Variants in DPP6 observed in about 807,000 individuals in gnomAD.
The protein encoded by DPP6 is dipeptidyl peptidase like 6.
In DPP6, 69 loss-of-function variants were observed where a neutral mutation model predicts 122.6. That is an observed-to-expected ratio of 0.56 (90% CI 0.46 to 0.69). The LOEUF (loss-of-function observed/expected upper bound fraction) is 0.69, where lower values mean the gene tolerates loss of function less well. DPP6 is among the 30% of genes least tolerant of loss of function. The pLI, the probability that DPP6 is intolerant of heterozygous loss-of-function variation, is 0.00. For missense variants in DPP6, 928 were observed against 1,116.9 expected, an observed-to-expected ratio of 0.83 and a Z score of 2.41; for synonymous variants, 418 against 433.1, an observed-to-expected ratio of 0.97 and a Z score of 0.43.
chr7:153,856,941 A>G, the DPP6 span, among the ~76,000 whole-genome samples: 1 of 152,174 alleles, frequency 6.6e-6, no homozygotes, highest in Admixed American at 6.5e-5. Flanking sequence ...TGGAGTTGAA[A>G]TGTTTTTCAC....
At chr7:154,399,136 T>C (rs1173088692) in intron 1 of DPP6, among the ~76,000 whole-genome samples, 5 of 152,176 alleles carry the variant, frequency 3.3e-5, no homozygotes, top group Non-Finnish European at 7.3e-5. Flanking sequence ...TGACAATGAA[T>C]CTTTAGATTC....
At chr7:154,410,570 C>A (rs1422961226) in intron 1 of DPP6, among the ~76,000 whole-genome samples, 1 of 152,156 alleles carries the variant, frequency 6.6e-6, no homozygotes, top group African/African-American at 2.4e-5. Flanking sequence ...TTCTACATTT[C>A]TCTAACATGC....
intron 1 of DPP6, among the ~76,000 whole-genome samples, chr7:154,331,984 T>TG (rs1808985172): frequency 6.6e-6 from 1 of 152,146 alleles, no homozygotes; most frequent in Non-Finnish European, 1.5e-5. Context: ...ATTTGGGTGA[T>TG]GGGGTCTGTG....
chr7:153,748,386 C>A, the DPP6 span, among the ~76,000 whole-genome samples: 1 of 141,098 alleles, frequency 7.1e-6, no homozygotes, highest in South Asian at 2.5e-4. Context: ...GGAGTCCGCA[C>A]TGATGACCGC....
intron 5 of DPP6, among the ~76,000 whole-genome samples, chr7:154,627,390 G>A (rs1050149133): frequency 1.3e-5 from 2 of 150,940 alleles, no homozygotes; most frequent in African/African-American, 4.9e-5. Flanking sequence ...AGTAGAGACG[G>A]GGTTTCACCA....
intron 1 of DPP6, among the ~76,000 whole-genome samples, chr7:154,096,227 C>G (rs1275406856): frequency 1.4e-5 from 1 of 72,942 alleles, no homozygotes; most frequent in Non-Finnish European, 2.6e-5. Flanking sequence ...CCTCACTGTG[C>G]CTTTTTATGC....
At chr7:154,397,565 T>A (rs1815198426) in intron 1 of DPP6, among the ~76,000 whole-genome samples, 1 of 152,208 alleles carries the variant, frequency 6.6e-6, no homozygotes, top group Non-Finnish European at 1.5e-5. Context: ...TAGAATAAAT[T>A]ATCAGTGAAT....
At chr7:153,830,689 T>C in the DPP6 span, among the ~76,000 whole-genome samples, 1 of 152,204 alleles carries the variant, frequency 6.6e-6, no homozygotes, top group East Asian at 1.9e-4. Context: ...GGGAGTGTGC[T>C]GTGTTACACA....
the DPP6 span, among the ~76,000 whole-genome samples, chr7:153,789,298 T>G: frequency 2.0e-5 from 3 of 152,236 alleles, no homozygotes; most frequent in African/African-American, 7.2e-5. Flanking sequence ...TAATGTCCCC[T>G]TTATTATCCT....
At chr7:154,074,356 A>G (rs1478610083) in intron 1 of DPP6, among the ~76,000 whole-genome samples, 2 of 152,104 alleles carry the variant, frequency 1.3e-5, no homozygotes, top group African/African-American at 4.8e-5. Context: ...TAAAACACCA[A>G]GACTAACCAA....
At chr7:154,458,736 G>C (rs1435005005) in intron 2 of DPP6, among the ~76,000 whole-genome samples, 1 of 152,220 alleles carries the variant, frequency 6.6e-6, no homozygotes, top group Non-Finnish European at 1.5e-5. Context: ...CTTGTGGAGA[G>C]ATCAGAACTA....
the DPP6 span, among the ~76,000 whole-genome samples, chr7:153,867,176 A>G: frequency 3.3e-5 from 5 of 152,272 alleles, no homozygotes; most frequent in African/African-American, 9.6e-5. Context: ...GCTTTTTCCA[A>G]TTCTGTGAAG....
intron 1 of DPP6, among the ~76,000 whole-genome samples, chr7:154,132,585 C>T (rs1460262822): frequency 3.3e-5 from 5 of 152,176 alleles, no homozygotes; most frequent in Non-Finnish European, 4.4e-5. Context: ...GTCCTCATTT[C>T]GGTTCAGTAG....
At chr7:154,494,567 T>G (rs554509495) in intron 3 of DPP6, among the ~76,000 whole-genome samples, 1 of 152,148 alleles carries the variant, frequency 6.6e-6, no homozygotes, top group Admixed American at 6.5e-5. Flanking sequence ...TCTTTCTATA[T>G]TTCAGATAAA....
At chr7:153,806,351 A>G in the DPP6 span, among the ~76,000 whole-genome samples, 3 of 151,892 alleles carry the variant, frequency 2.0e-5, no homozygotes, top group Non-Finnish European at 4.4e-5. Context: ...TAAGCACTTT[A>G]TACTCCTGTA....
intron 1 of DPP6, among the ~76,000 whole-genome samples, chr7:154,433,335 G>T (rs3056533): frequency 0.061 from 580 of 9,488 alleles, 3 homozygotes; most frequent in African/African-American, 0.32. Flanking sequence ...CATTTTTTTT[G>T]TTTTTGTTTT....
At chr7:154,819,150 C>T (rs1799603988) in intron 16 of DPP6, among the ~76,000 whole-genome samples, 1 of 152,196 alleles carries the variant, frequency 6.6e-6, no homozygotes, top group South Asian at 2.1e-4. Flanking sequence ...CATGGTGACT[C>T]ACGCCTGTAA....
intron 2 of DPP6, among the ~76,000 whole-genome samples, chr7:154,466,701 T>C (rs1399861678): frequency 6.6e-5 from 10 of 152,222 alleles, no homozygotes; most frequent in Admixed American, 1.3e-4. Context: ...GATTTGTTGG[T>C]ACGTACAATT....
At chr7:154,351,409 C>T (rs1472742827) in intron 1 of DPP6, among the ~76,000 whole-genome samples, 2 of 152,164 alleles carry the variant, frequency 1.3e-5, no homozygotes, top group Non-Finnish European at 2.9e-5. Flanking sequence ...TGGTCTCCAG[C>T]TCAGAACCCA....
Sources: gnomAD v4.1 joint callset for allele counts (sites outside exome capture counted in the v4.1 genomes callset) on GRCh38, gnomAD v4.1.1 for gene constraint, MANE v1.5 for transcripts, NCBI Gene and HGNC (gene_info 2026-07-23, HGNC 2026-07-21) for gene names.